Variants in FIP1L1 observed in about 807,000 individuals in gnomAD.
FIP1L1 encodes factor interacting with PAPOLA and CPSF1, also known as pre-mRNA 3'-end-processing factor FIP1.
Under a neutral mutation model 84.6 loss-of-function variants are expected in FIP1L1, and 21 were observed. The ratio of observed to expected loss-of-function variants is 0.25; its 90% CI spans 0.18 to 0.36. The LOEUF is 0.36. Ranked by LOEUF, FIP1L1 falls within the 10% of genes least tolerant of loss-of-function variation. The pLI, the probability that FIP1L1 is intolerant of heterozygous loss-of-function variation, is 1.00. For synonymous variants in FIP1L1, 263 were observed against 242.3 expected, an observed-to-expected ratio of 1.09 and a Z score of -0.80; for missense variants, 526 against 751.1, an observed-to-expected ratio of 0.70 and a Z score of 3.50.
At chr4:53,440,667 T>G (rs2150207009) in intron 13 of FIP1L1, 3 of 1,199,934 alleles carry the variant, frequency 2.5e-6, no homozygotes, top group South Asian at 2.6e-5. Flanking sequence ...TTCAAGCTTA[T>G]AGTTACAGGA....
intron 17 of FIP1L1, among the ~76,000 whole-genome samples, chr4:53,459,037 G>A (rs1039105974): frequency 6.6e-6 from 1 of 152,032 alleles, no homozygotes; most frequent in South Asian, 2.1e-4. Flanking sequence ...ATTTGTTACT[G>A]TATATTATAA....
intron 10 of FIP1L1, among the ~76,000 whole-genome samples, chr4:53,409,635 G>A (rs1358809737): frequency 1.3e-5 from 2 of 152,188 alleles, no homozygotes; most frequent in African/African-American, 4.8e-5. Context: ...AGCTGTGGTG[G>A]GCTCCACCCA....
At chr4:53,389,546 G>C (rs772743149) in intron 5 of FIP1L1, among the ~76,000 whole-genome samples, 1 of 152,054 alleles carries the variant, frequency 6.6e-6, no homozygotes, top group African/African-American at 2.4e-5. Flanking sequence ...AGCTGGGCAC[G>C]GTGGCTCACT....
chr4:53,430,043 T>C (rs1765884690), intron 13 of FIP1L1, among the ~76,000 whole-genome samples: 1 of 152,198 alleles, frequency 6.6e-6, no homozygotes, highest in African/African-American at 2.4e-5. Flanking sequence ...TGTCTTTCTG[T>C]GCCTGGCTTA....
chr4:53,426,783 A>T (rs1331613407), intron 12 of FIP1L1, among the ~76,000 whole-genome samples: 2 of 152,134 alleles, frequency 1.3e-5, no homozygotes, highest in Non-Finnish European at 2.9e-5. Context: ...ATATACCATG[A>T]TTTATTTAAT....
At chr4:53,458,383 A>AAT (rs1268062203) in intron 16 of FIP1L1, among the ~76,000 whole-genome samples, 1 of 152,128 alleles carries the variant, frequency 6.6e-6, no homozygotes, top group Non-Finnish European at 1.5e-5. Context: ...TGTTATATTA[A>AAT]ATCTTTTTAA....
At chr4:53,449,528 T>C (rs1775543057) in intron 15 of FIP1L1, among the ~76,000 whole-genome samples, 2 of 152,192 alleles carry the variant, frequency 1.3e-5, no homozygotes, top group Non-Finnish European at 1.5e-5. Flanking sequence ...TCTAATTATT[T>C]AGGATTTTGA....
At chr4:53,405,234 C>G (rs1752635253) in intron 10 of FIP1L1, among the ~76,000 whole-genome samples, 1 of 151,980 alleles carries the variant, frequency 6.6e-6, no homozygotes, top group Admixed American at 6.6e-5. Context: ...TATGGCTAGC[C>G]AGTTTTCCCA....
At chr4:53,438,179 A>T (rs965020590) in intron 13 of FIP1L1, among the ~76,000 whole-genome samples, 1 of 152,162 alleles carries the variant, frequency 6.6e-6, no homozygotes, top group African/African-American at 2.4e-5. Context: ...CATTTTTCAG[A>T]TAAAGGATAT....
At chr4:53,420,628 AC>A (rs1762036209) in intron 11 of FIP1L1, among the ~76,000 whole-genome samples, 1 of 152,030 alleles carries the variant, frequency 6.6e-6, no homozygotes, top group Admixed American at 6.6e-5. Flanking sequence ...ATAAATTGTT[AC>A]TCGAACATTA....
intron 13 of FIP1L1, among the ~76,000 whole-genome samples, chr4:53,437,646 T>C (rs1473847606): frequency 6.6e-6 from 1 of 151,936 alleles, no homozygotes; most frequent in Non-Finnish European, 1.5e-5. Flanking sequence ...GGCCCAGCAA[T>C]CTGTGTGTTT....
intron 5 of FIP1L1, among the ~76,000 whole-genome samples, chr4:53,386,834 T>C (rs1741356066): frequency 6.6e-6 from 1 of 152,194 alleles, no homozygotes; most frequent in Non-Finnish European, 1.5e-5. Flanking sequence ...TCTGTTTTGC[T>C]TTGTTTTAGT....
intron 11 of FIP1L1, among the ~76,000 whole-genome samples, chr4:53,421,400 A>G (rs1309767146): frequency 1.3e-5 from 2 of 152,156 alleles, no homozygotes; most frequent in African/African-American, 4.8e-5. Context: ...ACCCCTCTCC[A>G]TCTTTTCTCT....
At chr4:53,380,474 G>T (rs1737229060) in intron 3 of FIP1L1, among the ~76,000 whole-genome samples, 2 of 152,192 alleles carry the variant, frequency 1.3e-5, no homozygotes, top group South Asian at 4.1e-4. Flanking sequence ...GAATTAGATA[G>T]TTGTGATGGT....
intron 15 of FIP1L1, 139 bp from the exon 16 acceptor site, chr4:53,452,781 G>C: frequency 1.6e-6 from 1 of 625,774 alleles, no homozygotes; most frequent in South Asian, 2.0e-5. Context: ...CGATACTGTG[G>C]GTATTCATTC....
intron 10 of FIP1L1, 108 bp downstream of exon 10, chr4:53,399,947 A>G: frequency 1.4e-6 from 1 of 726,364 alleles, no homozygotes; most frequent in East Asian, 2.5e-5. Context: ...AAAAACTGGA[A>G]CATTTTACTT....
At chr4:53,435,371 TAC>T (rs1434601632) in intron 13 of FIP1L1, among the ~76,000 whole-genome samples, 1 of 152,188 alleles carries the variant, frequency 6.6e-6, no homozygotes, top group East Asian at 1.9e-4. Context: ...TGAATCTAAT[TAC>T]AGTTTAATTT....
Position 53,458,659 on chromosome 4 carries a change from A to G in FIP1L1, c.1506A>G (p.Glu502=). 1 of 1,607,344 alleles carries G rather than the reference A, an allele frequency of 6.2e-7. No homozygotes were observed. The highest frequency in any genetic ancestry group is 8.5e-7 in the Non-Finnish European group (1 of 1,176,970). Residue 502 remains glutamate, a synonymous_variant, in exon 17 of 18, where the codon GAA becomes GAG. Transcript: ENST00000337488. ...SPTPSVFNSD[E]ERYRYREYAE... ...ATTTCTATTTCAATTTCAGCGATGA[A>G]GAACGATACAGATACAGGGAATATG...
chr4:53,425,008 A>G (rs976953033), intron 11 of FIP1L1, among the ~76,000 whole-genome samples: 1 of 152,046 alleles, frequency 6.6e-6, no homozygotes, highest in Admixed American at 6.6e-5. Context: ...TGACTGTGGA[A>G]GGATCTATGG....
Sources: gnomAD v4.1 joint callset for allele counts (sites outside exome capture counted in the v4.1 genomes callset) on GRCh38, gnomAD v4.1.1 for gene constraint, MANE v1.5 for transcripts, NCBI Gene and HGNC (gene_info 2026-07-23, HGNC 2026-07-21) for gene names.